The following TRAPPC9 variants were observed in gnomAD, a reference collection of about 807,000 sequenced individuals.
TRAPPC9 encodes the protein IKK2 binding protein.
Under a neutral mutation model 124.0 loss-of-function variants are expected in TRAPPC9, and 83 were observed. That is an observed-to-expected ratio of 0.67 (90% CI 0.56 to 0.80). The LOEUF (loss-of-function observed/expected upper bound fraction) is 0.80. Ranked by LOEUF, TRAPPC9 falls within the 30% of genes least tolerant of loss-of-function variation. The pLI is 0.00. For synonymous variants in TRAPPC9, 638 were observed against 617.5 expected (o/e 1.03, Z -0.49); for missense variants, 1,302 against 1,508.3 (o/e 0.86, Z 2.27).
chr8:140,227,751 C>T (rs1188847796), intron 16 of TRAPPC9, among the ~76,000 whole-genome samples: 1 of 152,190 alleles, frequency 6.6e-6, no homozygotes, highest in Admixed American at 6.5e-5. Context: ...TGGCCTGGCA[C>T]CAGGCGCTCA....
chr8:139,860,204 C>A (rs190825969), intron 21 of TRAPPC9, among the ~76,000 whole-genome samples: 59 of 152,278 alleles, frequency 3.9e-4, no homozygotes, highest in Non-Finnish European at 6.0e-4. Flanking sequence ...CTTAACCAAG[C>A]ACATGCACTC....
intron 21 of TRAPPC9, among the ~76,000 whole-genome samples, chr8:139,796,938 C>T (rs1348225439): frequency 6.6e-6 from 1 of 152,242 alleles, no homozygotes; most frequent in Non-Finnish European, 1.5e-5. Context: ...TCTAGCCATC[C>T]TAGCTGGTGA....
intron 21 of TRAPPC9, among the ~76,000 whole-genome samples, chr8:139,851,743 A>T (rs951330045): frequency 2.0e-5 from 3 of 152,238 alleles, no homozygotes; most frequent in Non-Finnish European, 2.9e-5. Flanking sequence ...GAACATATGC[A>T]TGGCTGCATA....
chr8:139,741,745 C>G (rs1398383936), intron 21 of TRAPPC9, among the ~76,000 whole-genome samples: 3 of 152,172 alleles, frequency 2.0e-5, no homozygotes, highest in Non-Finnish European at 4.4e-5. Context: ...TTTCCCTACT[C>G]TGACTCACAT....
chr8:139,739,971 C>T (rs761805021), intron 21 of TRAPPC9, among the ~76,000 whole-genome samples: 3 of 152,336 alleles, frequency 2.0e-5, no homozygotes, highest in Admixed American at 6.5e-5. Flanking sequence ...AACGCTGGCC[C>T]CACCACCGAC....
chr8:140,284,029 A>G lies in TRAPPC9; in HGVS notation c.1982-8T>C. 6.2e-7 allele frequency: 1 copy of G among 1,614,004 alleles called. No homozygotes were observed. Among genetic ancestry groups the G allele is most frequent in the East Asian group, 2.2e-5 (1 of 44,882 alleles). On this transcript the variant is annotated splice_polypyrimidine_tract_variant and splice_region_variant and intron_variant, in intron 13 of 22. Coordinates refer to ENST00000438773, the MANE Select transcript of TRAPPC9 (RefSeq NM_001160372.4). Reference sequence around the variant, plus strand: ...AGACCGTGGTATGGTAACCTGGAATAGAAAAGGAACTTCTTCACTCCACTG... The same window carrying G: ...AGACCGTGGTATGGTAACCTGGAATGGAAAAGGAACTTCTTCACTCCACTG...
chr8:140,027,502 C>T (rs1188654940), intron 17 of TRAPPC9, among the ~76,000 whole-genome samples: 1 of 152,118 alleles, frequency 6.6e-6, no homozygotes, highest in Non-Finnish European at 1.5e-5. Context: ...ACACAGACAA[C>T]TGTCAAAGTA....
intron 17 of TRAPPC9, among the ~76,000 whole-genome samples, chr8:140,179,178 G>C (rs1188716619): frequency 1.3e-5 from 2 of 152,062 alleles, no homozygotes; most frequent in African/African-American, 4.8e-5. Context: ...CTCATGAATT[G>C]AAACAAGTCT....
chr8:140,448,095 G>A (rs865930260), intron 2 of TRAPPC9, among the ~76,000 whole-genome samples: 1 of 146,222 alleles, frequency 6.8e-6, no homozygotes, highest in Non-Finnish European at 1.5e-5. Flanking sequence ...GCAGTGAGCC[G>A]AGACTGCACC....
chr8:140,029,157 A>G (rs1167260699), intron 17 of TRAPPC9, among the ~76,000 whole-genome samples: 1 of 152,240 alleles, frequency 6.6e-6, no homozygotes, highest in Non-Finnish European at 1.5e-5. Flanking sequence ...GGAATCAAGG[A>G]GAAACAGAAA....
rs192467671 is a variant in TRAPPC9, at chr8:140,304,200, T to C, written c.1623-3586A>G. Among the ~76,000 whole-genome samples, 314 of 152,152 alleles carry C rather than the reference T, an allele frequency of 2.1e-3. 1 individual carries two copies. The highest frequency in any genetic ancestry group is 6.6e-3 in the African/African-American group (273 of 41,494). ...ACCTCCACCTTCTGGGTTCCAGTGA[T>C]TCTCTTGCCTCAGCCTCCCAAGTAG... On this transcript the variant is annotated intron_variant, in intron 10 of 22. Coordinates refer to ENST00000438773, the MANE Select transcript of TRAPPC9 (RefSeq NM_001160372.4).
intron 10 of TRAPPC9, chr8:140,302,651 C>G (rs1345796121): frequency 1.3e-5 from 2 of 152,200 alleles, no homozygotes; most frequent in South Asian, 4.1e-4. Flanking sequence ...CCAGACGAAC[C>G]GGTCGAGAGG....
chr8:140,056,216 A>T (rs1026587453), intron 17 of TRAPPC9, among the ~76,000 whole-genome samples: 9 of 151,950 alleles, frequency 5.9e-5, no homozygotes, highest in African/African-American at 2.2e-4. Flanking sequence ...TGAGACCAGC[A>T]TGGGCAACAC....
At chr8:140,336,249 A>G (rs977642954) in intron 9 of TRAPPC9, among the ~76,000 whole-genome samples, 2 of 152,188 alleles carry the variant, frequency 1.3e-5, no homozygotes, top group Non-Finnish European at 2.9e-5. Context: ...TTTATTTATG[A>G]CATAATGATC....
chr8:139,805,019 C>A (rs1823943185), intron 21 of TRAPPC9, among the ~76,000 whole-genome samples: 1 of 152,170 alleles, frequency 6.6e-6, no homozygotes, highest in African/African-American at 2.4e-5. Context: ...CTCACTAAGC[C>A]CCCTCCCCTG....
chr8:140,180,416 G>A (rs2062173127), intron 17 of TRAPPC9, among the ~76,000 whole-genome samples: 1 of 151,774 alleles, frequency 6.6e-6, no homozygotes, highest in African/African-American at 2.4e-5. Flanking sequence ...AGTATATGGA[G>A]GTTTTTGCTT....
At chr8:140,027,034 A>C (rs1018759503) in intron 17 of TRAPPC9, among the ~76,000 whole-genome samples, 19 of 152,216 alleles carry the variant, frequency 1.2e-4, no homozygotes, top group Admixed American at 5.2e-4. Flanking sequence ...CATAAGCAGA[A>C]GGTGAGACTC....
At chr8:140,371,426 C>T (rs868782454) in intron 7 of TRAPPC9, among the ~76,000 whole-genome samples, 1 of 152,194 alleles carries the variant, frequency 6.6e-6, no homozygotes, top group African/African-American at 2.4e-5. Context: ...TACAAAGGTA[C>T]CTGCTACAAA....
chr8:140,312,925 G>C (rs921131942), intron 9 of TRAPPC9, among the ~76,000 whole-genome samples: 1 of 151,954 alleles, frequency 6.6e-6, no homozygotes. Context: ...ATGCTTGGCT[G>C]ATTTTTTAAT....
Sources: allele counts gnomAD v4.1 joint callset (sites outside exome capture counted in the v4.1 genomes callset), GRCh38; gene constraint gnomAD v4.1.1; transcripts MANE v1.5; gene names NCBI Gene and HGNC (gene_info 2026-07-23, HGNC 2026-07-21).